The following CPT1C variants were observed in gnomAD, a reference collection of about 807,000 sequenced individuals.
CPT1C encodes the protein palmitoyl thioesterase CPT1C.
A neutral mutation model predicts 97.3 loss-of-function variants in CPT1C; 61 were observed. The ratio of observed to expected loss-of-function variants is 0.63; its 90% CI spans 0.51 to 0.78. The LOEUF is 0.78. CPT1C is among the 30% of genes least tolerant of loss of function. CPT1C has a pLI of 0.00. For synonymous variants in CPT1C, 469 were observed against 447.2 expected (o/e 1.05, Z -0.61); for missense variants, 975 against 1,065.5 (o/e 0.92, Z 1.18).
chr19:49,706,301 G>GC lies in CPT1C; in HGVS notation c.1233dup (p.Ala412ArgfsTer9), dbSNP rs1568532792. On this transcript the variant is annotated frameshift_variant, in exon 12 of 20. Coordinates refer to ENST00000598293, the MANE Select transcript of CPT1C (RefSeq NM_001199753.2). LOFTEE classifies it high-confidence loss of function. This position sits in a 1 kb window ranked among gnomAD's most constrained non-coding sequence, Gnocchi z 4.8. ...GGAGGCCCTGGAGGCGGTGGAAGGG[G>GC]CCGCTTTCTTTGTGTCACTGGATGC... The GC allele has an allele frequency of 6.5e-7, 1 of 1,533,578 alleles. No homozygotes were observed. Among genetic ancestry groups the GC allele is most frequent in the Admixed American group, 2.3e-5 (1 of 42,980 alleles). The allele number at this position is 1,533,578 out of a possible 1,614,324, so 95.0% of individuals were successfully genotyped here.
intron 16 of CPT1C, 174 bp from the exon 17 acceptor site, chr19:49,711,635 A>C: frequency 1.4e-6 from 1 of 691,978 alleles, no homozygotes. Context: ...GGCTGTGTGA[A>C]CCTGGCCAAA....
rs1009547018 is a variant in CPT1C, at chr19:49,701,250, G to C, written c.454-67G>C. 89 of 1,370,540 alleles carry C rather than the reference G, an allele frequency of 6.5e-5. No homozygotes were observed. The African/African-American group carries it at 1.1e-3, about 17-fold the overall frequency. 84.9% of individuals were successfully genotyped at this position (1,370,540 alleles called of 1,614,324 possible). On this transcript the variant is annotated intron_variant, in intron 5 of 19. Transcript: ENST00000598293. ...CTCTTTGGGTTTCTGTCCCACTGTC[G>C]ACCCCTGCCCCGTCAACTCCCTGGC...
chr19:49,705,972 G>C lies in CPT1C; in HGVS notation c.1028G>C (p.Arg343Pro). Residue 343 changes from arginine (R) to proline (P), a missense_variant, in exon 11 of 20, where the codon CGC becomes CCC. By Grantham distance (103) the Arg-to-Pro change is moderately radical. Transcript: ENST00000598293. ...VAVFHRGRFF[R>P]MGTHSRNSLL... ...GTCTTCCACCGGGGCCGATTCTTCCGCATGGGGACCCACTCCCGAAACAGC... is the reference window on the plus strand; with the variant it reads ...GTCTTCCACCGGGGCCGATTCTTCCCCATGGGGACCCACTCCCGAAACAGC... 3 of 1,613,892 alleles carry C rather than the reference G, an allele frequency of 1.9e-6. No individual in the cohort carries two copies. Among genetic ancestry groups the C allele is most frequent in the Non-Finnish European group, 2.5e-6 (3 of 1,179,958 alleles).
At chr19:49,694,486 G>A (rs746429811) in intron 3 of CPT1C, among the ~76,000 whole-genome samples, 2 of 151,840 alleles carry the variant, frequency 1.3e-5, no homozygotes, top group African/African-American at 2.4e-5. Flanking sequence ...AAAATTAGCC[G>A]GGTGTGGTGG....
chr19:49,700,681 C>A lies in CPT1C; in HGVS notation c.282-3C>A. Reference sequence around the variant, plus strand: ...GGCCCAGCCTCTGTTTCTCTCCCCGCAGGGGTGGACAACACCACGGGCTCC... The same window carrying A: ...GGCCCAGCCTCTGTTTCTCTCCCCGAAGGGGTGGACAACACCACGGGCTCC... On this transcript the variant is annotated splice_polypyrimidine_tract_variant and splice_region_variant and intron_variant, in intron 4 of 19. Coordinates refer to ENST00000598293, the MANE Select transcript of CPT1C (RefSeq NM_001199753.2). 6.2e-7 allele frequency: 1 copy of A among 1,607,058 alleles called. No individual in the cohort carries two copies.
intron 8 of CPT1C, 79 bp from the exon 9 acceptor site, chr19:49,704,928 G>C (rs1249579773): frequency 7.0e-7 from 1 of 1,419,852 alleles, no homozygotes; most frequent in African/African-American, 1.4e-5. Flanking sequence ...TTGGGGTCAG[G>C]ACCTGTATTT....
Position 49,713,687 on chromosome 19 carries a change from G to C in CPT1C, c.*82G>C. On this transcript the variant is annotated 3_prime_UTR_variant, in exon 20 of 20. Coordinates refer to ENST00000598293, the MANE Select transcript of CPT1C (RefSeq NM_001199753.2). ...GGCTGACACAGGACAGGGGCAACTG[G>C]TTTGGCAACCCCACATCCAGGCCAA... 1 of 1,348,216 alleles carries C rather than the reference G, an allele frequency of 7.4e-7. No homozygotes were observed. The highest frequency in any genetic ancestry group is 1.0e-6 in the Non-Finnish European group (1 of 974,556). 83.5% of individuals were successfully genotyped at this position (1,348,216 alleles called of 1,614,324 possible).
At chr19:49,710,905 T>C (rs2083831672) in intron 16 of CPT1C, 48 bp downstream of exon 16, 1 of 1,567,756 alleles carries the variant, frequency 6.4e-7, no homozygotes, top group African/African-American at 1.4e-5. Context: ...GTGTACTCAC[T>C]CATCCACTTG....
At chr19:49,702,612 T>G (rs1468290796) in intron 7 of CPT1C, among the ~76,000 whole-genome samples, 1 of 145,266 alleles carries the variant, frequency 6.9e-6, no homozygotes, top group African/African-American at 2.6e-5. Flanking sequence ...AGAGCAAGAC[T>G]CTGTCTCAAA....
intron 5 of CPT1C, among the ~76,000 whole-genome samples, chr19:49,701,110 C>CCCCCCTCTCTCTCTGGGTCTCTGT (rs776719554): frequency 0.24 from 11,512 of 47,084 alleles, 1,701 homozygotes; most frequent in African/African-American, 0.42. Context: ...TGGGTCTCTG[C>CCCCCCTCTCTCTCTGGGTCTCTGT]CCCCCTCTCT....
intron 7 of CPT1C, among the ~76,000 whole-genome samples, chr19:49,702,525 C>T (rs74174294): frequency 0.12 from 18,654 of 150,336 alleles, 1,388 homozygotes; most frequent in Non-Finnish European, 0.17. Flanking sequence ...GAGGCTGAGG[C>T]GGGAGGATTG....
At chr19:49,694,030 A>G (rs2082501556) in intron 3 of CPT1C, among the ~76,000 whole-genome samples, 1 of 151,908 alleles carries the variant, frequency 6.6e-6, no homozygotes. Flanking sequence ...GCGCCACTGC[A>G]CTCCAGCCTG....
At chr19:49,697,117 C>A (rs1172905534) in intron 3 of CPT1C, among the ~76,000 whole-genome samples, 1 of 152,334 alleles carries the variant, frequency 6.6e-6, no homozygotes, top group South Asian at 2.1e-4. Flanking sequence ...CAGGGCTCCT[C>A]CTATTTCTTG....
intron 3 of CPT1C, among the ~76,000 whole-genome samples, chr19:49,695,197 GATAC>G (rs529529477): frequency 1.8e-3 from 266 of 150,804 alleles, no homozygotes; most frequent in Non-Finnish European, 2.7e-3. Context: ...TACATACATA[GATAC>G]ATACATATTT....
chr19:49,708,864 C>T (rs1187547133), intron 14 of CPT1C, 25 bp downstream of exon 14: 6 of 1,421,372 alleles, frequency 4.2e-6, no homozygotes, highest in South Asian at 1.1e-5. Context: ...CTGGGCCTCT[C>T]CTCCAAGTCC....
chr19:49,700,801 C>G lies in CPT1C; in HGVS notation c.399C>G (p.His133Gln), dbSNP rs745421109. 5 of 1,613,498 alleles carry G rather than the reference C, an allele frequency of 3.1e-6. No individual in the cohort carries two copies. Among genetic ancestry groups the G allele is most frequent in the Non-Finnish European group, 4.2e-6 (5 of 1,180,034 alleles). The change falls in exon 5 of 20, where the codon CAC (histidine) becomes CAG (glutamine). Residue 133 changes from histidine to glutamine, a missense_variant. This residue lies in a region of CPT1C where 596 missense variants were observed against 603.1 expected (regional missense o/e 0.99). Transcript: ENST00000598293. ...CCCTGAGGCTGCTTCTGTCCTACCA[C>G]GGCTGGCTTCTTGAGCCCCACGGAG... ...HVALRLLLSY[H>Q]GWLLEPHGAM...
intron 4 of CPT1C, among the ~76,000 whole-genome samples, chr19:49,698,948 C>A (rs2082832524): frequency 2.0e-5 from 3 of 151,856 alleles, no homozygotes; most frequent in African/African-American, 7.3e-5. Context: ...ACTAAAAATA[C>A]AAAAATTAGC....
At chr19:49,702,240 C>A (rs1261572365) in intron 7 of CPT1C, among the ~76,000 whole-genome samples, 3 of 141,552 alleles carry the variant, frequency 2.1e-5, no homozygotes, top group African/African-American at 7.9e-5. Context: ...TATGCTCTCT[C>A]TATATATTTA....
rs1568521377 is a variant in CPT1C, at chr19:49,702,055, AATATATATTTATTTATAAATT to A, written c.693+425_693+445del. On this transcript the variant is annotated intron_variant, in intron 7 of 19. Coordinates refer to ENST00000598293, the MANE Select transcript of CPT1C (RefSeq NM_001199753.2). ...AATATATATTTATTTATAAATTATA[AATATATATTTATTTATAAATT>A]ATAAATATATATTTATTTATAAATT... Among the ~76,000 whole-genome samples the A allele has an allele frequency of 1.7e-4, 18 of 106,200 alleles. 5 individuals are homozygous for A. Among genetic ancestry groups the A allele is most frequent in the African/African-American group, 4.1e-4 (10 of 24,430 alleles). The allele number at this position is 106,200 out of a possible 152,430, so 69.7% of individuals were successfully genotyped here. A position where few individuals can be genotyped will look rare whatever the true frequency, so the allele number is the denominator to read the frequency against.
Sources: allele counts gnomAD v4.1 joint callset (sites outside exome capture counted in the v4.1 genomes callset), GRCh38; gene constraint gnomAD v4.1.1; regional missense constraint gnomAD v4.1.1; non-coding constraint Gnocchi (gnomAD v3.1); transcripts MANE v1.5; gene names NCBI Gene and HGNC (gene_info 2026-07-23, HGNC 2026-07-21).